TEX11: variants seen among roughly 807,000 people sequenced by gnomAD.
TEX11 encodes testis-expressed protein 11.
In TEX11, 7 loss-of-function variants were observed where a neutral mutation model predicts 84.4. That is an observed-to-expected ratio of 0.08 (90% confidence interval 0.05 to 0.16). The LOEUF is 0.16. Ranked by LOEUF, TEX11 falls within the 10% of genes least tolerant of loss-of-function variation. The pLI, the probability that TEX11 is intolerant of heterozygous loss-of-function variation, is 1.00. For synonymous variants in TEX11, 264 were observed against 222.8 expected, an observed-to-expected ratio of 1.18 and a Z score of -1.64; for missense variants, 551 against 660.5, an observed-to-expected ratio of 0.83 and a Z score of 1.82.
chrX:70,823,025 TG>T (rs777843421), intron 8 of TEX11, among the ~76,000 whole-genome samples: 7 of 100,825 alleles, frequency 6.9e-5, no homozygotes, highest in Admixed American at 1.1e-4. Context: ...GGTTGGGGGG[TG>T]GGGGGCGGGT....
intron 17 of TEX11, among the ~76,000 whole-genome samples, chrX:70,647,532 T>G (rs1484536786): frequency 9.1e-6 from 1 of 109,387 alleles, no homozygotes; most frequent in Non-Finnish European, 1.9e-5. Flanking sequence ...GGCAACATAG[T>G]GAGACTCCAT....
intron 28 of TEX11, among the ~76,000 whole-genome samples, chrX:70,542,952 T>G (rs947810849): frequency 9.0e-6 from 1 of 111,188 alleles, no homozygotes; most frequent in African/African-American, 3.3e-5. Flanking sequence ...GAGGCCGAGG[T>G]GGGCGGATCA....
At chrX:70,853,807 CATGCACAAAA>C (rs1286416180) in intron 5 of TEX11, among the ~76,000 whole-genome samples, 6 of 112,168 alleles carry the variant, frequency 5.3e-5, no homozygotes, top group African/African-American at 1.9e-4. Flanking sequence ...GATATCCCAA[CATGCACAAAA>C]ATGCAAAATG....
chrX:70,798,810 C>G (rs1026249317), intron 9 of TEX11, among the ~76,000 whole-genome samples: 2 of 111,565 alleles, frequency 1.8e-5, no homozygotes, highest in African/African-American at 6.5e-5. Context: ...AAAATTGGAA[C>G]CTTATCTCCC....
the TEX11 span, among the ~76,000 whole-genome samples, chrX:70,513,130 G>GA: frequency 9.2e-6 from 1 of 108,261 alleles, no homozygotes; most frequent in East Asian, 2.9e-4. Context: ...AAGATGGGTG[G>GA]ATCACCTGAG....
At chrX:70,568,162 G>C (rs1335669247) in intron 25 of TEX11, among the ~76,000 whole-genome samples, 2 of 111,291 alleles carry the variant, frequency 1.8e-5, no homozygotes, top group Non-Finnish European at 3.8e-5. Context: ...TTATGTAATG[G>C]CCTTCTTTGT....
chrX:70,896,499 C>T (rs768040077), intron 2 of TEX11, among the ~76,000 whole-genome samples: 3 of 111,376 alleles, frequency 2.7e-5, no homozygotes, highest in Non-Finnish European at 3.8e-5. Flanking sequence ...TACCATTTGA[C>T]CCAGCAATCC....
intron 8 of TEX11, among the ~76,000 whole-genome samples, chrX:70,822,711 G>A (rs1200690671): frequency 9.0e-6 from 1 of 111,111 alleles, no homozygotes; most frequent in South Asian, 3.8e-4. Context: ...TGTACAAGGT[G>A]GTGCCAGTAT....
chrX:70,872,825 A>G (rs1486741544), intron 4 of TEX11, among the ~76,000 whole-genome samples: 2 of 112,145 alleles, frequency 1.8e-5, no homozygotes, highest in Non-Finnish European at 3.8e-5. Flanking sequence ...TCATATGGCA[A>G]CACTTATTCT....
intron 3 of TEX11, among the ~76,000 whole-genome samples, chrX:70,873,784 G>C (rs1286141587): frequency 8.9e-6 from 1 of 111,921 alleles, no homozygotes; most frequent in East Asian, 2.8e-4. Context: ...GGTACAAAAT[G>C]TATGTTAGTT....
chrX:70,608,740 CAAAA>C (rs61517512), intron 22 of TEX11, among the ~76,000 whole-genome samples: 4 of 66,953 alleles, frequency 6.0e-5, no homozygotes, highest in Admixed American at 1.7e-4. Flanking sequence ...GACTCCATCT[CAAAA>C]AAAAAAAAAA....
chrX:70,767,822 A>C lies in TEX11; in HGVS notation c.693-23603T>G, dbSNP rs769685473. ...AAAGAGTGAGATTCTGTCATTTGCAACAACATAAATGAATCTGGAGATCAT... is the reference window on the plus strand; with the variant it reads ...AAAGAGTGAGATTCTGTCATTTGCACCAACATAAATGAATCTGGAGATCAT... On this transcript the variant is annotated intron_variant, in intron 9 of 29. Coordinates refer to ENST00000374333, the MANE Select transcript of TEX11 (RefSeq NM_031276.3). Among the ~76,000 whole-genome samples the C allele has an allele frequency of 2.7e-5, 3 of 111,885 alleles. No homozygotes were observed. The East Asian group carries it at 8.4e-4, about 31-fold the overall frequency.
chrX:70,777,713 A>T (rs762186975), intron 9 of TEX11, among the ~76,000 whole-genome samples: 1 of 111,628 alleles, frequency 9.0e-6, no homozygotes, highest in African/African-American at 3.2e-5. Flanking sequence ...GTCTTACATA[A>T]CTGTCATGGC....
At chrX:70,781,434 C>T (rs756090455) in intron 9 of TEX11, among the ~76,000 whole-genome samples, 29 of 111,793 alleles carry the variant, frequency 2.6e-4, no homozygotes, top group African/African-American at 7.2e-4. Flanking sequence ...AGCTCCTCAC[C>T]GGCAATGGAA....
chrX:70,786,691 C>T (rs754879434), intron 9 of TEX11, among the ~76,000 whole-genome samples: 103 of 111,683 alleles, frequency 9.2e-4, no homozygotes, highest in Non-Finnish European at 1.5e-3. Flanking sequence ...CAACTGAATT[C>T]AACAACACAT....
chrX:70,651,265 CT>C (rs2089807224), intron 17 of TEX11, among the ~76,000 whole-genome samples, 184 bp downstream of exon 17: 2 of 111,887 alleles, frequency 1.8e-5, no homozygotes, highest in South Asian at 7.5e-4. Context: ...AACCACTGTT[CT>C]TTTACTTTTA....
intron 28 of TEX11, among the ~76,000 whole-genome samples, chrX:70,539,040 T>A (rs200240894): frequency 6.9e-3 from 66 of 9,570 alleles, no homozygotes; most frequent in African/African-American, 0.012. Flanking sequence ...ATATATATAT[T>A]TTTTTTTTTT....
intron 11 of TEX11, among the ~76,000 whole-genome samples, chrX:70,728,326 G>A (rs1181255706): frequency 8.9e-6 from 1 of 112,754 alleles, no homozygotes; most frequent in Non-Finnish European, 1.9e-5. Context: ...GCAGGACAGT[G>A]GGTGCAGTGC....
At chrX:70,850,654 T>C (rs2091503254) in intron 7 of TEX11, among the ~76,000 whole-genome samples, 1 of 108,667 alleles carries the variant, frequency 9.2e-6, no homozygotes, top group Non-Finnish European at 1.9e-5. Context: ...ACTCGGGAGG[T>C]TGAGGGAGGA....
Sources: allele counts gnomAD v4.1 joint callset (sites outside exome capture counted in the v4.1 genomes callset), GRCh38; gene constraint gnomAD v4.1.1; transcripts MANE v1.5; gene names NCBI Gene and HGNC (gene_info 2026-07-23, HGNC 2026-07-21).